The following ALMS1 variants were observed in gnomAD, a reference collection of about 807,000 sequenced individuals.
ALMS1 encodes the protein centrosome-associated protein ALMS1.
Under a neutral mutation model 352.2 loss-of-function variants are expected in ALMS1, and 271 were observed. That is an observed-to-expected ratio of 0.77 (90% CI 0.70 to 0.85). The LOEUF (loss-of-function observed/expected upper bound fraction) is 0.85, where lower values mean the gene tolerates loss of function less well. ALMS1 is among the 40% of genes least tolerant of loss of function. The pLI, the probability that ALMS1 is intolerant of heterozygous loss-of-function variation, is 0.00. For missense variants in ALMS1, 5,445 were observed against 4,870.7 expected (o/e 1.12, Z -3.51); for synonymous variants, 1,865 against 1,761.2 (o/e 1.06, Z -1.48).
chr2:73,439,290 T>C (rs1045683169), intron 7 of ALMS1, among the ~76,000 whole-genome samples: 3 of 151,958 alleles, frequency 2.0e-5, no homozygotes, highest in African/African-American at 7.3e-5. Context: ...TAATCTTTTT[T>C]TTTTTGTAGA....
intron 1 of ALMS1, among the ~76,000 whole-genome samples, chr2:73,407,625 G>C (rs908979430): frequency 2.0e-5 from 3 of 152,166 alleles, no homozygotes; most frequent in Non-Finnish European, 4.4e-5. Context: ...ACTGCCATTA[G>C]CATTTCTTCC....
chr2:73,580,435 TTC>T (rs1367177571), intron 16 of ALMS1, among the ~76,000 whole-genome samples: 1 of 152,222 alleles, frequency 6.6e-6, no homozygotes, highest in Non-Finnish European at 1.5e-5. Context: ...TTCATTGATA[TTC>T]TCTTTGTTGA....
chr2:73,542,440 T>C (rs548647558), intron 12 of ALMS1, among the ~76,000 whole-genome samples: 26 of 152,068 alleles, frequency 1.7e-4, no homozygotes, highest in Admixed American at 5.2e-4. Flanking sequence ...ACTGGAAGCA[T>C]TGAAAACTGG....
chr2:73,505,310 A>G (rs909421986), intron 10 of ALMS1, among the ~76,000 whole-genome samples: 3 of 152,326 alleles, frequency 2.0e-5, no homozygotes, highest in Admixed American at 6.5e-5. Flanking sequence ...GTCTTCCACA[A>G]TGGTTGAACT....
chr2:73,485,085 A>G (rs1672799587), intron 9 of ALMS1, among the ~76,000 whole-genome samples: 1 of 152,180 alleles, frequency 6.6e-6, no homozygotes, highest in Non-Finnish European at 1.5e-5. Flanking sequence ...CGTCAAAGTC[A>G]TTCTCCATCC....
intron 16 of ALMS1, among the ~76,000 whole-genome samples, chr2:73,595,098 A>T (rs966163919): frequency 6.6e-6 from 1 of 152,196 alleles, no homozygotes; most frequent in Admixed American, 6.5e-5. Context: ...TTGAACTGGT[A>T]ATACAGTACA....
At position 73,609,687 on chromosome 2, in the gene ALMS1, G is replaced by A; in HGVS notation, c.*75G>A. On this transcript the variant is annotated 3_prime_UTR_variant, in exon 23 of 23. Transcript: ENST00000613296. ...AGAAGCAGAATCCTTACTTTTGTGA[G>A]TCTGGTTGAATAAAGCTTATTCTTT... is the stretch of plus-strand genomic sequence containing the variant. 2 of 1,408,924 alleles carry A rather than the reference G, an allele frequency of 1.4e-6. No individual in the cohort carries two copies. The highest frequency in any genetic ancestry group is 2.0e-6 in the Non-Finnish European group (2 of 993,828). The allele number at this position is 1,408,924 out of a possible 1,614,324, so 87.3% of individuals were successfully genotyped here. A position where few individuals can be genotyped will look rare whatever the true frequency, so the allele number is the denominator to read the frequency against.
intron 15 of ALMS1, among the ~76,000 whole-genome samples, chr2:73,572,030 G>A (rs891142707): frequency 2.0e-5 from 3 of 152,126 alleles, no homozygotes; most frequent in East Asian, 3.8e-4. Context: ...TCACGTAGCC[G>A]GTCAGTGGCA....
At chr2:73,429,433 C>T (rs2103727966) in intron 6 of ALMS1, among the ~76,000 whole-genome samples, 1 of 152,098 alleles carries the variant, frequency 6.6e-6, no homozygotes, top group East Asian at 1.9e-4. Context: ...AGGTGCCTGC[C>T]ACTATGCCTG....
At chr2:73,466,578 A>G (rs1392899016) in intron 9 of ALMS1, among the ~76,000 whole-genome samples, 1 of 152,052 alleles carries the variant, frequency 6.6e-6, no homozygotes, top group African/African-American at 2.4e-5. Context: ...CCAACATGGC[A>G]CTTGTATACA....
intron 6 of ALMS1, among the ~76,000 whole-genome samples, chr2:73,428,059 A>T (rs1324562791): frequency 6.6e-6 from 1 of 152,174 alleles, no homozygotes; most frequent in Admixed American, 6.5e-5. Flanking sequence ...TTTAACACAG[A>T]ATCACTAGGT....
intron 8 of ALMS1, 31 bp downstream of exon 8, chr2:73,454,098 T>TA (rs1384532231): frequency 6.3e-7 from 1 of 1,575,250 alleles, no homozygotes; most frequent in East Asian, 2.4e-5. Flanking sequence ...TTATAAACGT[T>TA]ATAGTTTAAT....
At chr2:73,496,703 A>G (rs1206492278) in intron 10 of ALMS1, among the ~76,000 whole-genome samples, 5 of 152,192 alleles carry the variant, frequency 3.3e-5, no homozygotes. Flanking sequence ...CCTGCTAGCA[A>G]TGGGTGAGCA....
chr2:73,419,057 C>T, intron 2 of ALMS1, 66 bp from the exon 3 acceptor site: 1 of 1,338,374 alleles, frequency 7.5e-7, no homozygotes, highest in Non-Finnish European at 1.1e-6. Flanking sequence ...ACATTTTCAT[C>T]TAAATATTAA....
rs1161028569 is a variant in ALMS1 at position 73,453,572 on chromosome 2, GA to G, written c.7049del (p.Asn2350IlefsTer25). On this transcript the variant is annotated frameshift_variant, in exon 8 of 23. Transcript: ENST00000613296. LOFTEE classifies it high-confidence loss of function. ...GAATTTGAAATGCCGGAGAGGCATT[GA>G]AAATTGGGAGTTTATTAGTTCAACT... is the stretch of plus-strand genomic sequence containing the variant. ...QTNLKCRRGI[E>X]NWEFISSTTV... The G allele has an allele frequency of 6.2e-7, 1 of 1,613,952 alleles. No individual in the cohort carries two copies. The highest frequency in any genetic ancestry group is 1.6e-4 in the Middle Eastern group (1 of 6,062).
At position 73,453,197 on chromosome 2, in the gene ALMS1, A is replaced by C. The variant is rs760866799; in HGVS notation, c.6670A>C (p.Asn2224His). ...SSVSSNNVLLNSQADDRVVIN... is the reference protein window; with the variant it reads ...SSVSSNNVLLHSQADDRVVIN... ...TGTTAGCTCAAATAATGTGCTTTTA[A>C]ATTCTCAGGCTGATGACAGAGTTGT... is the stretch of plus-strand genomic sequence containing the variant. Residue 2224 changes from asparagine to histidine, a missense_variant, in exon 8 of 23, where the codon AAT becomes CAT. Physicochemically the swap from Asn to His is moderately conservative, Grantham distance 68. Transcript: ENST00000613296. 3 of 1,614,068 alleles carry C rather than the reference A, an allele frequency of 1.9e-6. No individual in the cohort carries two copies. The highest frequency in any genetic ancestry group is 2.5e-6 in the Non-Finnish European group (3 of 1,179,988).
Position 73,448,978 on chromosome 2 carries a change from C to G in ALMS1, c.2451C>G (p.Leu817=). 1 of 1,613,870 alleles carries G rather than the reference C, an allele frequency of 6.2e-7. No homozygotes were observed. Among genetic ancestry groups the G allele is most frequent in the Non-Finnish European group, 8.5e-7 (1 of 1,179,936 alleles). ...GTGCATACTCACACAGAGAGAAGCTCCTTGTTTTCTACCAACAGGCCTTGC... is the reference window on the plus strand; with the variant it reads ...GTGCATACTCACACAGAGAGAAGCTGCTTGTTTTCTACCAACAGGCCTTGC... ...PSSAYSHREK[L]LVFYQQALLD... The change falls in exon 8 of 23, where the codon CTC becomes CTG. Residue 817 remains leucine (L), a synonymous_variant. Coordinates refer to ENST00000613296, the MANE Select transcript of ALMS1 (RefSeq NM_001378454.1).
chr2:73,448,190 A>G lies in ALMS1; in HGVS notation c.1663A>G (p.Thr555Ala), dbSNP rs1353660239. Reference protein sequence around the residue: ...THLTEETLKVTAIPEPADQKT... With the variant: ...THLTEETLKVAAIPEPADQKT... Reference sequence around the variant, plus strand: ...TCTAACTGAAGAGACTCTGAAAGTCACAGCTATTCCTGAACCAGCTGACCA... The same window carrying G: ...TCTAACTGAAGAGACTCTGAAAGTCGCAGCTATTCCTGAACCAGCTGACCA... Residue 555 changes from threonine (T) to alanine (A), a missense_variant, in exon 8 of 23, where the codon ACA becomes GCA. Physicochemically the swap from Thr to Ala is moderately conservative, Grantham distance 58 (BLOSUM62 0). Coordinates refer to ENST00000613296, the MANE Select transcript of ALMS1 (RefSeq NM_001378454.1). 3 of 1,613,916 alleles carry G rather than the reference A, an allele frequency of 1.9e-6. No homozygotes were observed.
chr2:73,573,206 G>A lies in ALMS1; in HGVS notation c.11329G>A (p.Glu3777Lys), dbSNP rs565098671. 1.9e-5 allele frequency: 30 copies of A among 1,612,418 alleles called. No individual in the cohort carries two copies. The highest frequency in any genetic ancestry group is 4.5e-5 in the East Asian group (2 of 44,832). ...TQTDREVALHERSSSVSTIDT... is the reference protein window; with the variant it reads ...TQTDREVALHKRSSSVSTIDT... ...AACAGATAGAGAGGTGGCTCTGCACGAAAGGAGTAGCTCTGTTTCCACTAT... is the reference window on the plus strand; with the variant it reads ...AACAGATAGAGAGGTGGCTCTGCACAAAAGGAGTAGCTCTGTTTCCACTAT... The change falls in exon 16 of 23, where the codon GAA (glutamate) becomes AAA (lysine). Residue 3777 changes from glutamate to lysine, a missense_variant. Glu to Lys is a moderately conservative substitution (Grantham distance 56). Transcript: ENST00000613296.
Sources: allele counts gnomAD v4.1 joint callset (sites outside exome capture counted in the v4.1 genomes callset), GRCh38; gene constraint gnomAD v4.1.1; transcripts MANE v1.5; gene names NCBI Gene and HGNC (gene_info 2026-07-23, HGNC 2026-07-21).